The following PIP5K1C variants were observed in gnomAD, a reference collection of about 807,000 sequenced individuals.
PIP5K1C encodes the protein phosphatidylinositol 4-phosphate 5-kinase type-1 gamma.
In PIP5K1C, 45 loss-of-function variants were observed where a neutral mutation model predicts 80.1. The observed-to-expected ratio is 0.56, with a 90% CI of 0.44 to 0.72. The LOEUF is 0.72. Among genes scored for constraint, PIP5K1C ranks in the 30% least tolerant of loss-of-function variants. The pLI is 0.00. For synonymous variants in PIP5K1C, 498 were observed against 420.1 expected (o/e 1.19, Z -2.27); for missense variants, 753 against 954.6 (o/e 0.79, Z 2.78).
In PIP5K1C at chr19:3,661,864, G is replaced by A. The variant is rs561815091; in HGVS notation, c.350+7C>T. On this transcript the variant is annotated splice_region_variant and intron_variant, in intron 4 of 17. Transcript: ENST00000335312. ...GTGAGCCCTGAGGCTCCGGGGGCCC[G>A]GCCCACCTGGGGAAGAAGATGCTCT... 3.0e-5 allele frequency: 49 copies of A among 1,611,170 alleles called. No individual in the cohort carries two copies. The highest frequency in any genetic ancestry group is 3.3e-4 in the Middle Eastern group (2 of 6,060).
chr19:3,646,099 CATCA>C, intron 10 of PIP5K1C, 41 bp from the exon 11 acceptor site: 1 of 1,248,192 alleles, frequency 8.0e-7, no homozygotes, highest in Non-Finnish European at 1.2e-6. Context: ...GCAGAGGGTG[CATCA>C]ATCAACAGCT....
chr19:3,637,553 G>A lies in PIP5K1C; in HGVS notation c.1920+1331C>T, dbSNP rs544146951. On this transcript the variant is annotated intron_variant, in intron 16 of 17. Transcript: ENST00000335312. This position sits in a 1 kb window ranked among gnomAD's most constrained non-coding sequence, Gnocchi z 7.0. ...TCACTTACAGTCCCCGAGGCGCTCA[G>A]CGTCACGGCCCGCAGTCGGCGATGG... 1 of 1,535,234 alleles carries A rather than the reference G, an allele frequency of 6.5e-7. No homozygotes were observed. The highest frequency in any genetic ancestry group is 8.7e-7 in the Non-Finnish European group (1 of 1,146,512).
intron 1 of PIP5K1C, among the ~76,000 whole-genome samples, chr19:3,690,925 C>T (rs2035928983): frequency 6.6e-6 from 1 of 152,174 alleles, no homozygotes. Context: ...CTTGCAGGAG[C>T]TGAGGCAGCT....
intron 12 of PIP5K1C, 64 bp from the exon 13 acceptor site, chr19:3,643,445 T>C: frequency 6.3e-7 from 1 of 1,597,536 alleles, no homozygotes; most frequent in South Asian, 1.1e-5. Flanking sequence ...CAGTCGATTC[T>C]CCCTGAGGCT....
In PIP5K1C at chr19:3,696,572, G is replaced by T. The variant is rs1409931559; in HGVS notation, c.94+3725C>A. Reference sequence around the variant, plus strand: ...ACAAAACCTGGAAAGCGCTAAGGGAGCAAAGGACACAGATGGGAGGAGGGG... The same window carrying T: ...ACAAAACCTGGAAAGCGCTAAGGGATCAAAGGACACAGATGGGAGGAGGGG... On this transcript the variant is annotated intron_variant, in intron 1 of 17. Transcript: ENST00000335312. The surrounding 1 kb of genome is among the most constrained non-coding windows in gnomAD (Gnocchi z 4.1). Among the ~76,000 whole-genome samples the T allele has an allele frequency of 7.5e-6, 1 of 132,750 alleles. No individual in the cohort carries two copies. The highest frequency in any genetic ancestry group is 1.6e-5 in the Non-Finnish European group (1 of 63,514). 87.1% of individuals were successfully genotyped at this position (132,750 alleles called of 152,430 possible). A position where few individuals can be genotyped will look rare whatever the true frequency, so the allele number is the denominator to read the frequency against.
intron 1 of PIP5K1C, among the ~76,000 whole-genome samples, chr19:3,676,495 G>T (rs926064682): frequency 6.6e-6 from 1 of 152,156 alleles, no homozygotes; most frequent in African/African-American, 2.4e-5. Flanking sequence ...GAAATAAAAG[G>T]CTGCACCATC....
At chr19:3,694,105 A>C (rs953147477) in intron 1 of PIP5K1C, among the ~76,000 whole-genome samples, 3 of 151,210 alleles carry the variant, frequency 2.0e-5, no homozygotes, top group African/African-American at 7.3e-5. Context: ...CCAGCTACTC[A>C]GGAGGCTGAG....
chr19:3,636,833 C>A, intron 16 of PIP5K1C: 1 of 991,320 alleles, frequency 1.0e-6, no homozygotes, highest in Non-Finnish European at 1.2e-6. Context: ...CTGTGCGGTG[C>A]TGGGCAGGTC....
chr19:3,652,364 T>G (rs1237275828), intron 7 of PIP5K1C, among the ~76,000 whole-genome samples: 1 of 152,234 alleles, frequency 6.6e-6, no homozygotes, highest in Non-Finnish European at 1.5e-5. Flanking sequence ...CCCAGGCCCA[T>G]GGGCAAGGAC....
At chr19:3,660,854 C>T (rs1037349645) in intron 5 of PIP5K1C, 112 bp downstream of exon 5, 6 of 810,204 alleles carry the variant, frequency 7.4e-6, no homozygotes, top group African/African-American at 3.4e-5. Context: ...GACCATAACC[C>T]TACACGAGGA....
intron 3 of PIP5K1C, among the ~76,000 whole-genome samples, 164 bp downstream of exon 3, chr19:3,664,658 C>G (rs1273014130): frequency 1.3e-5 from 2 of 152,234 alleles, no homozygotes; most frequent in African/African-American, 4.8e-5. Context: ...GGGCCTCATG[C>G]AGGACTGAGG....
intron 1 of PIP5K1C, among the ~76,000 whole-genome samples, chr19:3,670,278 T>C (rs893817674): frequency 1.3e-5 from 2 of 152,130 alleles, no homozygotes; most frequent in African/African-American, 4.8e-5. Context: ...CCTGCAACCG[T>C]ATTTGGAAAG....
chr19:3,664,854 C>T lies in PIP5K1C; in HGVS notation c.187G>A (p.Val63Met). Reference protein sequence around the residue: ...GHGKKLGHRGVDASGETTYKK... With the variant: ...GHGKKLGHRGMDASGETTYKK... ...TAGGTGGTTTCGCCGGATGCGTCCA[C>T]ACCTCGATGGCCCAACTTCTTCCCA... Residue 63 changes from valine to methionine, a missense_variant, in exon 3 of 18, where the codon GTG (valine) becomes ATG (methionine). By Grantham distance (21) the Val-to-Met change is conservative (BLOSUM62 1). Around this residue, in one of 6 missense-constraint regions of PIP5K1C, gnomAD observed 139 missense variants for 289.7 expected, o/e 0.48. Coordinates refer to ENST00000335312, the MANE Select transcript of PIP5K1C (RefSeq NM_012398.3). 6.2e-7 allele frequency: 1 copy of T among 1,613,338 alleles called. No individual in the cohort carries two copies. Among genetic ancestry groups the T allele is most frequent in the Non-Finnish European group, 8.5e-7 (1 of 1,180,008 alleles).
In PIP5K1C at chr19:3,637,942, A is replaced by C; in HGVS notation, c.1920+942T>G. The C allele has an allele frequency of 3.3e-6, 5 of 1,534,984 alleles. No homozygotes were observed. The highest frequency in any genetic ancestry group is 3.5e-6 in the Non-Finnish European group (4 of 1,146,646). Reference sequence around the variant, plus strand: ...GACGACGTGCGGTGGGTAGGGGCACAGGCACGCGGCCCGTCCCTCCCTTCT... The same window carrying C: ...GACGACGTGCGGTGGGTAGGGGCACCGGCACGCGGCCCGTCCCTCCCTTCT... On this transcript the variant is annotated intron_variant, in intron 16 of 17. Transcript: ENST00000335312. The surrounding 1 kb of genome is among the most constrained non-coding windows in gnomAD (Gnocchi z 7.0).
At chr19:3,676,384 C>A (rs1006746460) in intron 1 of PIP5K1C, among the ~76,000 whole-genome samples, 2 of 152,240 alleles carry the variant, frequency 1.3e-5, no homozygotes, top group Admixed American at 1.3e-4. Context: ...GTGGCCCGCC[C>A]GGGCTTGGTT....
In PIP5K1C at chr19:3,696,975, C is replaced by T. The variant is rs987344245; in HGVS notation, c.94+3322G>A. On this transcript the variant is annotated intron_variant, in intron 1 of 17. Coordinates refer to ENST00000335312, the MANE Select transcript of PIP5K1C (RefSeq NM_012398.3). The surrounding 1 kb of genome is among the most constrained non-coding windows in gnomAD (Gnocchi z 4.1). Reference sequence around the variant, plus strand: ...GGGGCAAAGGAGGACTGAGCTGGACCGAGGAGGACTGAGCTGGACGGAGGA... The same window carrying T: ...GGGGCAAAGGAGGACTGAGCTGGACTGAGGAGGACTGAGCTGGACGGAGGA... Among the ~76,000 whole-genome samples, 2 of 151,856 alleles carry T rather than the reference C, an allele frequency of 1.3e-5. No individual in the cohort carries two copies. Among genetic ancestry groups the T allele is most frequent in the African/African-American group, 2.4e-5 (1 of 41,334 alleles).
intron 1 of PIP5K1C, among the ~76,000 whole-genome samples, chr19:3,675,226 G>A (rs1165721855): frequency 6.6e-6 from 1 of 152,196 alleles, no homozygotes; most frequent in Non-Finnish European, 1.5e-5. Context: ...TAAGTAAGCA[G>A]TAAGACACTT....
At chr19:3,680,504 A>G (rs923082768) in intron 1 of PIP5K1C, among the ~76,000 whole-genome samples, 1 of 152,114 alleles carries the variant, frequency 6.6e-6, no homozygotes, top group Non-Finnish European at 1.5e-5. Context: ...GCGTTTCACC[A>G]TGTTGGCCAG....
In PIP5K1C at chr19:3,653,519, T is replaced by C. The variant is rs1159220660; in HGVS notation, c.692A>G (p.Lys231Arg). 2 of 1,613,844 alleles carry C rather than the reference T, an allele frequency of 1.2e-6. No homozygotes were observed. Among genetic ancestry groups the C allele is most frequent in the Middle Eastern group, 1.6e-4 (1 of 6,062 alleles). ...YGLYCVQSGG[K>R]NIRVVVMNNI... Reference sequence around the variant, plus strand: ...GTTCATGACCACGACGCGGATGTTCTTGCCCCCCGACTGCACGCAGTACAG... The same window carrying C: ...GTTCATGACCACGACGCGGATGTTCCTGCCCCCCGACTGCACGCAGTACAG... The change falls in exon 7 of 18, where the codon AAG becomes AGG. Residue 231 changes from lysine to arginine, a missense_variant. By Grantham distance (26) the Lys-to-Arg change is conservative (BLOSUM62 2). Transcript: ENST00000335312.
Sources: allele counts gnomAD v4.1 joint callset (sites outside exome capture counted in the v4.1 genomes callset), GRCh38; gene constraint gnomAD v4.1.1; regional missense constraint gnomAD v4.1.1; non-coding constraint Gnocchi (gnomAD v3.1); transcripts MANE v1.5; gene names NCBI Gene and HGNC (gene_info 2026-07-23, HGNC 2026-07-21).